PCSK5: variants seen among roughly 807,000 people sequenced by gnomAD.
PCSK5 encodes proprotein convertase subtilisin/kexin type 5.
A neutral mutation model predicts 233.2 loss-of-function variants in PCSK5; 129 were observed. That is an observed-to-expected ratio of 0.55 (90% CI 0.48 to 0.64). PCSK5 has a LOEUF of 0.64. PCSK5 is among the 30% of genes least tolerant of loss of function. The probability of loss-of-function intolerance (pLI) is 0.00; values close to 1 mark genes in which losing one functional copy is unlikely to be tolerated. For synonymous variants in PCSK5, 825 were observed against 879.2 expected (o/e 0.94, Z 1.09); for missense variants, 2,076 against 2,430.1 (o/e 0.85, Z 3.06).
At chr9:76,035,058 G>A (rs1277048463) in intron 5 of PCSK5, among the ~76,000 whole-genome samples, 1 of 152,110 alleles carries the variant, frequency 6.6e-6, no homozygotes, top group African/African-American at 2.4e-5. Flanking sequence ...CTTCCCATTG[G>A]GTTTGGGAAG....
At chr9:75,948,777 A>C (rs1824707049) in intron 2 of PCSK5, among the ~76,000 whole-genome samples, 2 of 152,196 alleles carry the variant, frequency 1.3e-5, no homozygotes, top group East Asian at 3.9e-4. Context: ...ACTCCCACCA[A>C]CAGTGTAAAA....
chr9:76,286,205 G>C (rs1020483324), intron 24 of PCSK5, among the ~76,000 whole-genome samples: 2 of 152,128 alleles, frequency 1.3e-5, no homozygotes, highest in African/African-American at 4.8e-5. Context: ...GCTGTATATT[G>C]CAATTCACCC....
intron 2 of PCSK5, among the ~76,000 whole-genome samples, chr9:75,969,154 G>T (rs1825716199): frequency 6.6e-6 from 1 of 152,162 alleles, no homozygotes; most frequent in Non-Finnish European, 1.5e-5. Flanking sequence ...AAACGACAAT[G>T]AATCAACTTT....
chr9:76,189,758 T>C lies in PCSK5; in HGVS notation c.2626+12T>C. 2 of 1,307,374 alleles carry C rather than the reference T, an allele frequency of 1.5e-6. No homozygotes were observed. The highest frequency in any genetic ancestry group is 2.2e-6 in the Non-Finnish European group (2 of 904,802). The allele number at this position is 1,307,374 out of a possible 1,614,324, so 81.0% of individuals were successfully genotyped here. ...CATTTGCAAGGATGGTGAGTACAACTGCCCATATCGATCTTATGAAGCAAA... is the reference window on the plus strand; with the variant it reads ...CATTTGCAAGGATGGTGAGTACAACCGCCCATATCGATCTTATGAAGCAAA... On this transcript the variant is annotated intron_variant, in intron 20 of 37. Transcript: ENST00000674117.
chr9:76,239,060 G>A lies in PCSK5; in HGVS notation c.2968G>A (p.Asp990Asn), dbSNP rs770941995. 2 of 1,611,248 alleles carry A rather than the reference G, an allele frequency of 1.2e-6. No homozygotes were observed. The highest frequency in any genetic ancestry group is 1.7e-6 in the Non-Finnish European group (2 of 1,179,324). Residue 990 changes from aspartate (D) to asparagine (N), a missense_variant, in exon 23 of 38, where the codon GAC becomes AAC. Physicochemically the swap from Asp to Asn is conservative, Grantham distance 23 (BLOSUM62 1). Coordinates refer to ENST00000674117, the MANE Select transcript of PCSK5 (RefSeq NM_001372043.1). ...TEGNTCLPCP[D>N]NCELCHSVHV... Reference sequence around the variant, plus strand: ...GGGGAACACCTGCCTGCCCTGCCCAGACAACTGTGAGCTTTGCCACAGCGT... The same window carrying A: ...GGGGAACACCTGCCTGCCCTGCCCAAACAACTGTGAGCTTTGCCACAGCGT...
chr9:76,095,824 T>C, intron 7 of PCSK5, 66 bp from the exon 8 acceptor site: 1 of 1,452,816 alleles, frequency 6.9e-7, no homozygotes, highest in Non-Finnish European at 9.7e-7. Context: ...TTTGGCTCAG[T>C]GGATTCTGAC....
At position 75,920,364 on chromosome 9, in the gene PCSK5, A is replaced by G. The variant is rs530598399; in HGVS notation, c.193-12015A>G. ...GGAGTGCTGTGGTGATCAGAGCTCA[A>G]TGCAGCCTCAAACTCCTGGGCTCAA... On this transcript the variant is annotated intron_variant, in intron 1 of 37. Transcript: ENST00000674117. Among the ~76,000 whole-genome samples, 94 of 152,196 alleles carry G rather than the reference A, an allele frequency of 6.2e-4. 1 individual carries two copies. The South Asian group carries it at 0.018, about 29-fold the overall frequency.
At chr9:76,013,059 C>G (rs1231315977) in intron 3 of PCSK5, among the ~76,000 whole-genome samples, 2 of 133,182 alleles carry the variant, frequency 1.5e-5, no homozygotes, top group Non-Finnish European at 3.6e-5. Flanking sequence ...TCTGCATCCC[C>G]TTTATTTTTA....
chr9:76,237,373 T>C (rs1826281818), intron 22 of PCSK5, among the ~76,000 whole-genome samples: 1 of 152,230 alleles, frequency 6.6e-6, no homozygotes, highest in Non-Finnish European at 1.5e-5. Flanking sequence ...GAAGCCCTTT[T>C]TATTTTCTTA....
At chr9:76,193,238 AACGGAAGAGTCCTGG>A in intron 20 of PCSK5, 1 of 1,613,036 alleles carries the variant, frequency 6.2e-7, no homozygotes, top group Non-Finnish European at 8.5e-7. Context: ...CTGGAAAAGC[AACGGAAGAGTCCTGG>A]GCGGAAGGAG....
chr9:76,260,692 A>T (rs1239445013), intron 24 of PCSK5, among the ~76,000 whole-genome samples: 1 of 152,162 alleles, frequency 6.6e-6, no homozygotes, highest in African/African-American at 2.4e-5. Context: ...TTCAGAAGGA[A>T]CCCAGCCCTG....
chr9:76,290,711 G>A (rs1287713980), intron 24 of PCSK5, among the ~76,000 whole-genome samples: 3 of 152,216 alleles, frequency 2.0e-5, no homozygotes, highest in African/African-American at 7.2e-5. Flanking sequence ...GTCAGGGGAC[G>A]GCAAATTCTG....
At chr9:75,968,833 G>T (rs1248263893) in intron 2 of PCSK5, among the ~76,000 whole-genome samples, 1 of 152,176 alleles carries the variant, frequency 6.6e-6, no homozygotes, top group Non-Finnish European at 1.5e-5. Context: ...CATTTGATAA[G>T]GTGTGTGAAA....
chr9:76,189,592 T>G, intron 19 of PCSK5, 39 bp from the exon 20 acceptor site: 1 of 1,203,220 alleles, frequency 8.3e-7, no homozygotes, highest in Non-Finnish European at 1.2e-6. Context: ...CCCCTGTGCA[T>G]GTGTGAATGG....
At chr9:76,144,864 A>AT (rs1279673019) in intron 10 of PCSK5, among the ~76,000 whole-genome samples, 8 of 152,192 alleles carry the variant, frequency 5.3e-5, no homozygotes, top group Admixed American at 2.0e-4. Context: ...GTGGTGGCTT[A>AT]TGCCTCTAAT....
chr9:76,116,046 T>A (rs1335287941), intron 9 of PCSK5, among the ~76,000 whole-genome samples: 1 of 152,108 alleles, frequency 6.6e-6, no homozygotes, highest in Non-Finnish European at 1.5e-5. Context: ...AACATTCTTT[T>A]TTTCCTCTGT....
At chr9:76,218,221 C>T (rs916659829) in intron 20 of PCSK5, among the ~76,000 whole-genome samples, 8 of 152,180 alleles carry the variant, frequency 5.3e-5, no homozygotes, top group Admixed American at 4.6e-4. Flanking sequence ...GAATTTTCCA[C>T]AGCACAGTGC....
At chr9:76,308,889 A>G (rs1024485208) in intron 29 of PCSK5, among the ~76,000 whole-genome samples, 161 bp downstream of exon 29, 14 of 152,176 alleles carry the variant, frequency 9.2e-5, no homozygotes, top group African/African-American at 3.4e-4. Context: ...GGACCCAAAC[A>G]TTGACCAATA....
At position 75,989,436 on chromosome 9, in the gene PCSK5, G is replaced by T. The variant is rs1320567111; in HGVS notation, c.411+3191G>T. Among the ~76,000 whole-genome samples the T allele has an allele frequency of 4.5e-4, 68 of 151,958 alleles. 2 individuals are homozygous for T. Among genetic ancestry groups the T allele is most frequent in the Admixed American group, 4.5e-3 (68 of 15,250 alleles). ...TTGAGCCTGGGAGGCAGAGGTTGCA[G>T]TGAGCCATGATTGTGCCACTGCACT... On this transcript the variant is annotated intron_variant, in intron 3 of 37. Transcript: ENST00000674117.
Sources: allele counts gnomAD v4.1 joint callset (sites outside exome capture counted in the v4.1 genomes callset), GRCh38; gene constraint gnomAD v4.1.1; transcripts MANE v1.5; gene names NCBI Gene and HGNC (gene_info 2026-07-23, HGNC 2026-07-21).